The following SLC2A14 variants were observed in gnomAD, a reference collection of about 807,000 sequenced individuals.
SLC2A14 encodes solute carrier family 2 member 14, also known as solute carrier family 2, facilitated glucose transporter member 14.
A neutral mutation model predicts 43.0 loss-of-function variants in SLC2A14; 13 were observed. That is an observed-to-expected ratio of 0.30 (90% CI 0.20 to 0.48). SLC2A14 has a LOEUF of 0.48. Among genes scored for constraint, SLC2A14 ranks in the 20% least tolerant of loss-of-function variants. The probability of loss-of-function intolerance (pLI) is 0.99; values close to 1 mark genes in which losing one functional copy is unlikely to be tolerated. For synonymous variants in SLC2A14, 190 were observed against 233.8 expected, an observed-to-expected ratio of 0.81 and a Z score of 1.71; for missense variants, 428 against 620.4, an observed-to-expected ratio of 0.69 and a Z score of 3.29.
chr12:7,884,744 T>C (rs1347350357), intron 1 of SLC2A14, among the ~76,000 whole-genome samples: 1 of 152,150 alleles, frequency 6.6e-6, no homozygotes, highest in Non-Finnish European at 1.5e-5. Flanking sequence ...GCTGTTAATA[T>C]GCTGTTCCAG....
At chr12:7,856,495 C>T (rs916236478) in intron 2 of SLC2A14, 1 of 152,146 alleles carries the variant, frequency 6.6e-6, no homozygotes, top group Admixed American at 6.6e-5. Context: ...GTGGTTTGCT[C>T]ATTTTTCTTT....
intron 2 of SLC2A14, among the ~76,000 whole-genome samples, chr12:7,848,330 ACT>A (rs1277825164): frequency 5.9e-5 from 9 of 151,446 alleles, no homozygotes; most frequent in Non-Finnish European, 1.2e-4. Context: ...TTATGTCTTG[ACT>A]GTTCTCCTGC....
intron 7 of SLC2A14, among the ~76,000 whole-genome samples, chr12:7,822,133 A>AT (rs971183379): frequency 4.0e-5 from 6 of 148,380 alleles, no homozygotes; most frequent in African/African-American, 1.2e-4. Context: ...CAATTTTTGT[A>AT]TTTTTTTAGT....
At position 7,831,617 on chromosome 12, in the gene SLC2A14, T is replaced by C. The variant is rs1865028364; in HGVS notation, c.259A>G (p.Asn87Asp). 3.1e-6 allele frequency: 5 copies of C among 1,614,070 alleles called. No homozygotes were observed. Among genetic ancestry groups the C allele is most frequent in the Middle Eastern group, 3.3e-4 (2 of 6,042 alleles). The change falls in exon 4 of 11, where the codon AAC (asparagine) becomes GAC (aspartate). Residue 87 changes from asparagine to aspartate, a missense_variant. By Grantham distance (23) the Asn-to-Asp change is conservative (BLOSUM62 1). Around this residue, in one of 4 missense-constraint regions of SLC2A14, gnomAD observed 122 missense variants for 128.8 expected, o/e 0.95. Transcript: ENST00000431042. ...TCTAGTCAATACCTGCCAAAGCGGT[T>C]AACAAAGAGTCCGACGGAAAAGGAG... ...IGSFSVGLFV[N>D]RFGRRNSMLI... is the part of the protein sequence containing the mutation.
intron 2 of SLC2A14, chr12:7,856,551 T>A (rs1021039914): frequency 6.6e-6 from 1 of 152,224 alleles, no homozygotes; most frequent in Non-Finnish European, 1.5e-5. Context: ...AAAAGCTATC[T>A]CTAACCCATG....
chr12:7,814,172 G>A lies in SLC2A14; in HGVS notation c.*144C>T. ...GAAGATCCAACAAACTGCAGCCTTG[G>A]GGTGCTCATGGAGTGCGTGGGATGA... is the stretch of plus-strand genomic sequence containing the variant. On this transcript the variant is annotated 3_prime_UTR_variant, in exon 11 of 11. Transcript: ENST00000431042. 1 of 1,460,792 alleles carries A rather than the reference G, an allele frequency of 6.8e-7. No homozygotes were observed. The highest frequency in any genetic ancestry group is 2.3e-5 in the East Asian group (1 of 43,806). 90.5% of individuals were successfully genotyped at this position (1,460,792 alleles called of 1,614,324 possible).
At chr12:7,871,845 C>T in intron 1 of SLC2A14, 7 of 957,916 alleles carry the variant, frequency 7.3e-6, no homozygotes, top group Non-Finnish European at 7.5e-6. Flanking sequence ...CTCCCCTACA[C>T]CCTGTTGAGA....
intron 1 of SLC2A14, among the ~76,000 whole-genome samples, chr12:7,886,738 G>C (rs1166216296): frequency 6.6e-6 from 1 of 152,000 alleles, no homozygotes; most frequent in Non-Finnish European, 1.5e-5. Flanking sequence ...TCATTGAATT[G>C]TCAGTGTAGG....
Position 7,812,869 on chromosome 12 carries a change from A to T in SLC2A14, c.*1447T>A, listed in dbSNP as rs1226188960. ...CATATGAAAAAGGGGCTGTAGGAAC[A>T]AACACAGAGAAAATAAGTCAACAAT... On this transcript the variant is annotated 3_prime_UTR_variant, in exon 11 of 11. Transcript: ENST00000431042. The T allele has an allele frequency of 7.2e-5, 11 of 152,374 alleles. No individual in the cohort carries two copies. The East Asian group carries it at 2.1e-3, about 29-fold the overall frequency. The allele number at this position is 152,374 out of a possible 1,614,324, so 9.4% of individuals were successfully genotyped here.
chr12:7,885,449 G>A (rs900737442), intron 1 of SLC2A14, among the ~76,000 whole-genome samples: 4 of 151,728 alleles, frequency 2.6e-5, no homozygotes, highest in Non-Finnish European at 4.4e-5. Context: ...TGGGCAACAA[G>A]AGCGAAACTT....
Position 7,817,816 on chromosome 12 carries a change from G to C in SLC2A14, c.1275+15C>G, listed in dbSNP as rs765151476. 2.5e-6 allele frequency: 4 copies of C among 1,596,276 alleles called. No individual in the cohort carries two copies. The highest frequency in any genetic ancestry group is 2.8e-5 in the African/African-American group (2 of 72,208). ...GATAGATACATAGATACATAGATAA[G>C]GTGAGTTTACTTACAGCAGCAGAGG... On this transcript the variant is annotated intron_variant, in intron 10 of 10. Transcript: ENST00000431042.
In SLC2A14 at chr12:7,817,914, G is replaced by A. The variant is rs1451002080; in HGVS notation, c.1192C>T (p.Pro398Ser). The part of the protein sequence containing the change: ...FIVAELFSQG[P>S]RPAAMAVAGC... ...GCCACTGCCATCGCAGCTGGGCGGGGGCCCTGGCTGAAGAGTTCGGCCACA... is the reference window on the plus strand; with the variant it reads ...GCCACTGCCATCGCAGCTGGGCGGGAGCCCTGGCTGAAGAGTTCGGCCACA... The change falls in exon 10 of 11, where the codon CCC (proline) becomes TCC (serine). Residue 398 changes from proline (P) to serine (S), a missense_variant. Pro to Ser is a moderately conservative substitution (Grantham distance 74, BLOSUM62 -1). Coordinates refer to ENST00000431042, the MANE Select transcript of SLC2A14 (RefSeq NM_001286234.2). 1.9e-6 allele frequency: 3 copies of A among 1,614,206 alleles called. No homozygotes were observed. Among genetic ancestry groups the A allele is most frequent in the Admixed American group, 3.3e-5 (2 of 60,022 alleles).
At chr12:7,888,539 C>T (rs1481774780) in intron 1 of SLC2A14, among the ~76,000 whole-genome samples, 1 of 152,036 alleles carries the variant, frequency 6.6e-6, no homozygotes, top group Non-Finnish European at 1.5e-5. Context: ...GTGGCTCACA[C>T]CTGTAATCCT....
intron 2 of SLC2A14, chr12:7,856,567 C>G (rs1867403136): frequency 2.0e-5 from 3 of 152,172 alleles, no homozygotes; most frequent in South Asian, 4.1e-4. Flanking sequence ...CCATGTTAAA[C>G]TTTTACTGTG....
rs964300824 is a variant in SLC2A14 at position 7,890,252 on chromosome 12, C to G, written c.132+744G>C. On this transcript the variant is annotated intron_variant, in intron 1 of 9. Transcript: ENST00000539924. Reference sequence around the variant, plus strand: ...CTCACTAAGTGTTAGTTGCCGTGTTCTCTGCCACAACTCCCTCCTGTTGCA... The same window carrying G: ...CTCACTAAGTGTTAGTTGCCGTGTTGTCTGCCACAACTCCCTCCTGTTGCA... Among the ~76,000 whole-genome samples the G allele has an allele frequency of 3.9e-5, 6 of 151,968 alleles. No individual in the cohort carries two copies. The South Asian group carries it at 8.4e-4, about 21-fold the overall frequency.
chr12:7,830,157 CT>C (rs71038781), intron 4 of SLC2A14, 151 bp from the exon 5 acceptor site: 425,969 of 781,226 alleles, frequency 0.55, 69,458 homozygotes, highest in African/African-American at 0.63. Flanking sequence ...TCTTTTCTTT[CT>C]TTTTTTTTTT....
In SLC2A14 at chr12:7,871,338, G is replaced by C. The variant is rs953521432; in HGVS notation, c.-57-1401C>G. On this transcript the variant is annotated intron_variant, in intron 1 of 10. Coordinates refer to ENST00000431042, the MANE Select transcript of SLC2A14 (RefSeq NM_001286234.2). ...AAGTTCAACTAGGTGGAGTTCACCT[G>C]CATCCTCATACATGGCGCCAAGGGC... 2.0e-5 allele frequency: 18 copies of C among 878,438 alleles called. No individual in the cohort carries two copies. In the Admixed American group the frequency reaches 7.7e-4, roughly 38 times the overall value. 54.4% of individuals were successfully genotyped at this position (878,438 alleles called of 1,614,324 possible). A position where few individuals can be genotyped will look rare whatever the true frequency, so the allele number is the denominator to read the frequency against.
chr12:7,839,230 G>A (rs199720903), intron 2 of SLC2A14, among the ~76,000 whole-genome samples: 31,788 of 114,198 alleles, frequency 0.28, 1,721 homozygotes, highest in East Asian at 0.53. Context: ...TTAAGATAGA[G>A]TGGTTAGGGT....
intron 4 of SLC2A14, among the ~76,000 whole-genome samples, chr12:7,830,560 T>C (rs1448888562): frequency 1.3e-5 from 2 of 151,914 alleles, no homozygotes; most frequent in African/African-American, 4.8e-5. Flanking sequence ...TGCTTGAGAC[T>C]GGGAGGTCGA....
Sources: allele counts gnomAD v4.1 joint callset (sites outside exome capture counted in the v4.1 genomes callset), GRCh38; gene constraint gnomAD v4.1.1; regional missense constraint gnomAD v4.1.1; transcripts MANE v1.5; gene names NCBI Gene and HGNC (gene_info 2026-07-23, HGNC 2026-07-21).